Variants in CLVS1 observed in about 807,000 individuals in gnomAD.
CLVS1 encodes clavesin-1.
In CLVS1, 10 loss-of-function variants were observed where a neutral mutation model predicts 33.1. The ratio of observed to expected loss-of-function variants is 0.30; its 90% confidence interval spans 0.19 to 0.51. The LOEUF is 0.51. CLVS1 is among the 20% of genes least tolerant of loss of function. The probability of loss-of-function intolerance (pLI) is 0.97; values close to 1 mark genes in which losing one functional copy is unlikely to be tolerated. For synonymous variants in CLVS1, 163 were observed against 166.1 expected, an observed-to-expected ratio of 0.98 and a Z score of 0.14; for missense variants, 343 against 433.4, an observed-to-expected ratio of 0.79 and a Z score of 1.85.
intron 2 of CLVS1, among the ~76,000 whole-genome samples, chr8:61,185,879 T>C (rs1202125432): frequency 4.6e-5 from 7 of 152,338 alleles, no homozygotes; most frequent in Non-Finnish European, 7.3e-5. Flanking sequence ...CAAAAGCCTT[T>C]TGCAAGGTGT....
chr8:61,271,037 T>C (rs1304945721), intron 2 of CLVS1, among the ~76,000 whole-genome samples: 5 of 145,952 alleles, frequency 3.4e-5, no homozygotes, highest in African/African-American at 1.3e-4. Context: ...TGATTTTAGT[T>C]ATTTCTTGCC....
chr8:60,982,928 A>T, the CLVS1 span, among the ~76,000 whole-genome samples: 1 of 152,140 alleles, frequency 6.6e-6, no homozygotes, highest in South Asian at 2.1e-4. Context: ...ACAGAGTAAG[A>T]ACTTGATTCA....
intron 2 of CLVS1, among the ~76,000 whole-genome samples, chr8:61,340,118 A>G (rs1811976967): frequency 6.6e-6 from 1 of 152,188 alleles, no homozygotes; most frequent in South Asian, 2.1e-4. Context: ...AGAAAGAGAG[A>G]AAGGGAAAGA....
chr8:61,212,788 C>G (rs1807999709), intron 2 of CLVS1, among the ~76,000 whole-genome samples: 2 of 152,122 alleles, frequency 1.3e-5, no homozygotes, highest in Non-Finnish European at 2.9e-5. Flanking sequence ...CTGCTGCCAG[C>G]AGGGAGGCGC....
At chr8:61,336,877 A>G (rs537460077) in intron 2 of CLVS1, among the ~76,000 whole-genome samples, 1 of 152,214 alleles carries the variant, frequency 6.6e-6, no homozygotes, top group Non-Finnish European at 1.5e-5. Context: ...AGGAAAAAAT[A>G]AAACAAACAA....
chr8:61,243,174 G>A (rs1224779904), intron 2 of CLVS1, among the ~76,000 whole-genome samples: 1 of 152,204 alleles, frequency 6.6e-6, no homozygotes. Context: ...TCTCATGCCA[G>A]CAATGGGTGG....
chr8:61,194,553 C>T (rs565816085), intron 2 of CLVS1, among the ~76,000 whole-genome samples: 71 of 151,964 alleles, frequency 4.7e-4, no homozygotes, highest in Middle Eastern at 3.4e-3. Flanking sequence ...TTTTATGTTT[C>T]TATGTATATA....
chr8:61,424,481 C>T (rs1815802825), intron 3 of CLVS1, among the ~76,000 whole-genome samples: 1 of 152,166 alleles, frequency 6.6e-6, no homozygotes, highest in South Asian at 2.1e-4. Flanking sequence ...AATTTATTAC[C>T]ATGTAACAGT....
chr8:61,283,453 T>C (rs1157304030), upstream of CLVS1, among the ~76,000 whole-genome samples: 1 of 152,234 alleles, frequency 6.6e-6, no homozygotes, highest in Non-Finnish European at 1.5e-5. Context: ...GAAAGTCTAC[T>C]ACACATCAAA....
chr8:61,479,818 G>GCAGGTCTGT lies in CLVS1; in HGVS notation c.978-19636_978-19628dup, dbSNP rs567047683. 7.9e-3 allele frequency among the ~76,000 whole-genome samples: 1,209 copies of GCAGGTCTGT among 152,288 alleles called. 10 individuals are homozygous for GCAGGTCTGT. The highest frequency in any genetic ancestry group is 0.028 in the African/African-American group (1,158 of 41,556). On this transcript the variant is annotated intron_variant, in intron 5 of 5. Transcript: ENST00000325897. ...CTTCTAACAGTCAGGACCCTCAGCT[G>GCAGGTCTGT]CAGGTCTGTTGGAGTTTGCTGGAAG...
Position 61,270,738 on chromosome 8 carries a change from CTT to C in CLVS1, c.-151-28938_-151-28937del. Among the ~76,000 whole-genome samples, 4 of 152,196 alleles carry C rather than the reference CTT, an allele frequency of 2.6e-5. No homozygotes were observed. In the East Asian group the frequency reaches 7.7e-4, roughly 29 times the overall value. On this transcript the variant is annotated intron_variant, in intron 2 of 2. Coordinates refer to the CLVS1 transcript ENST00000522621. ...AGATTCAACTTCTTCCTGGTTTACT[CTT>C]GGGAGAGTGTATGTGTCGAGGAATT...
chr8:61,293,388 C>T (rs1011370032), intron 1 of CLVS1, among the ~76,000 whole-genome samples: 2 of 152,126 alleles, frequency 1.3e-5, no homozygotes, highest in African/African-American at 4.8e-5. Flanking sequence ...TCCTACAAAC[C>T]ATAATGGCCA....
chr8:61,010,632 A>G, the CLVS1 span, among the ~76,000 whole-genome samples: 1 of 152,186 alleles, frequency 6.6e-6, no homozygotes. Flanking sequence ...CCCATTTGTT[A>G]ATGGTGGAGA....
rs1808904341 is a variant in CLVS1 at position 61,250,171 on chromosome 8, G to T, written c.-151-49506G>T. Among the ~76,000 whole-genome samples, 3 of 152,168 alleles carry T rather than the reference G, an allele frequency of 2.0e-5. No individual in the cohort carries two copies. In the South Asian group the frequency reaches 6.2e-4, roughly 32 times the overall value. The stretch of plus-strand genomic sequence containing the variant: ...TTTTCCCAACACCATCTATTCAATA[G>T]GGAATCTTTTCCCCATTGTTTGTTT... On this transcript the variant is annotated intron_variant, in intron 2 of 2. Coordinates refer to the CLVS1 transcript ENST00000522621.
At chr8:61,429,051 T>A (rs1816008344) in intron 3 of CLVS1, among the ~76,000 whole-genome samples, 1 of 152,068 alleles carries the variant, frequency 6.6e-6, no homozygotes, top group African/African-American at 2.4e-5. Context: ...GTTCCAGAGG[T>A]TGAGAAGTCC....
intron 1 of CLVS1, among the ~76,000 whole-genome samples, chr8:61,086,310 A>G (rs1346599626): frequency 6.6e-6 from 1 of 152,176 alleles, no homozygotes; most frequent in Non-Finnish European, 1.5e-5. Flanking sequence ...CTCAATTTGC[A>G]TAACATAAAA....
intron 1 of CLVS1, among the ~76,000 whole-genome samples, chr8:61,121,021 C>T (rs1036223877): frequency 1.1e-4 from 17 of 151,490 alleles, no homozygotes; most frequent in South Asian, 2.1e-4. Context: ...TAGCAATCAG[C>T]GAGACTCCGT....
At chr8:61,058,016 A>T (rs569277470) in intron 1 of CLVS1, among the ~76,000 whole-genome samples, 2 of 152,240 alleles carry the variant, frequency 1.3e-5, no homozygotes, top group East Asian at 3.8e-4. Context: ...GAAAGTTTCT[A>T]TGGAAAACAG....
At chr8:61,487,409 T>A (rs1461169780) in intron 5 of CLVS1, among the ~76,000 whole-genome samples, 1 of 152,258 alleles carries the variant, frequency 6.6e-6, no homozygotes, top group African/African-American at 2.4e-5. Context: ...TTACCTCAGA[T>A]CACAGAGCTA....
Sources: gnomAD v4.1 joint callset for allele counts (sites outside exome capture counted in the v4.1 genomes callset) on GRCh38, gnomAD v4.1.1 for gene constraint, MANE v1.5 for transcripts, NCBI Gene and HGNC (gene_info 2026-07-23, HGNC 2026-07-21) for gene names.